PLEKHD1: variants seen among roughly 807,000 people sequenced by gnomAD.
The protein encoded by PLEKHD1 is pleckstrin homology and coiled-coil domain containing D1, also known as pleckstrin homology domain-containing family D member 1.
Under a neutral mutation model 69.2 loss-of-function variants are expected in PLEKHD1, and 51 were observed. The ratio of observed to expected loss-of-function variants is 0.74; its 90% CI spans 0.59 to 0.93. The LOEUF (loss-of-function observed/expected upper bound fraction) is 0.93. PLEKHD1 is among the 40% of genes least tolerant of loss of function. PLEKHD1 has a pLI of 0.00. For synonymous variants in PLEKHD1, 236 were observed against 244.7 expected, an observed-to-expected ratio of 0.96 and a Z score of 0.33; for missense variants, 584 against 641.0, an observed-to-expected ratio of 0.91 and a Z score of 0.96.
chr14:69,484,799 C>A lies in PLEKHD1; in HGVS notation c.-167C>A. Reference sequence around the variant, plus strand: ...TACGCGCCCTGCGCCCCCTTGGTGCCGCGTCCAGTGCCCAGCGCGCTTTGA... The same window carrying A: ...TACGCGCCCTGCGCCCCCTTGGTGCAGCGTCCAGTGCCCAGCGCGCTTTGA... On this transcript the variant is annotated 5_prime_UTR_variant, in exon 1 of 13. Coordinates refer to ENST00000322564, the MANE Select transcript of PLEKHD1 (RefSeq NM_001161498.2). The A allele has an allele frequency of 1.3e-6, 1 of 741,592 alleles. No homozygotes were observed. The highest frequency in any genetic ancestry group is 2.1e-5 in the South Asian group (1 of 46,668). 45.9% of individuals were successfully genotyped at this position (741,592 alleles called of 1,614,324 possible). A position where few individuals can be genotyped will look rare whatever the true frequency, so the allele number is the denominator to read the frequency against.
rs1420821253 is a variant in PLEKHD1, at chr14:69,527,879, G to A, written c.1298G>A (p.Arg433His). ...TACATCCATAAGGCAGCCACTCGCC[G>A]CATCAAGAGCTGCCGCTTCCACCGA... ...SVYIHKAATR[R>H]IKSCRFHRRR... The change falls in exon 12 of 13, where the codon CGC becomes CAC. Residue 433 changes from arginine (R) to histidine (H), a missense_variant. Arg to His is a conservative substitution (Grantham distance 29). Coordinates refer to ENST00000322564, the MANE Select transcript of PLEKHD1 (RefSeq NM_001161498.2). 17 of 1,551,346 alleles carry A rather than the reference G, an allele frequency of 1.1e-5. No individual in the cohort carries two copies. The highest frequency in any genetic ancestry group is 1.4e-5 in the African/African-American group (1 of 73,056).
At chr14:69,500,551 G>A in intron 2 of PLEKHD1, 26 bp from the exon 3 acceptor site, 1 of 1,532,656 alleles carries the variant, frequency 6.5e-7, no homozygotes, top group Non-Finnish European at 8.8e-7. Context: ...GTGGGGTGGG[G>A]GCTGCCTGTT....
intron 7 of PLEKHD1, among the ~76,000 whole-genome samples, chr14:69,522,972 C>T (rs1883554525): frequency 6.6e-6 from 1 of 152,086 alleles, no homozygotes; most frequent in Non-Finnish European, 1.5e-5. Flanking sequence ...CTCACTCTGT[C>T]ACCCAGGCTG....
At chr14:69,522,489 C>A in intron 7 of PLEKHD1, 112 bp downstream of exon 7, 1 of 1,174,074 alleles carries the variant, frequency 8.5e-7, no homozygotes, top group Non-Finnish European at 1.2e-6. Flanking sequence ...CTTCCCAAGG[C>A]TCCAGGCTTG....
chr14:69,498,849 T>C (rs1373240642), intron 1 of PLEKHD1, among the ~76,000 whole-genome samples: 1 of 152,008 alleles, frequency 6.6e-6, no homozygotes, highest in Admixed American at 6.6e-5. Context: ...GGTTTCACCA[T>C]ATTGGCCAGG....
rs1174680151 is a variant in PLEKHD1, at chr14:69,528,565, C to T, written c.*146C>T. 1 of 1,122,824 alleles carries T rather than the reference C, an allele frequency of 8.9e-7. No homozygotes were observed. Among genetic ancestry groups the T allele is most frequent in the African/African-American group, 1.6e-5 (1 of 63,638 alleles). 69.6% of individuals were successfully genotyped at this position (1,122,824 alleles called of 1,614,324 possible). On this transcript the variant is annotated 3_prime_UTR_variant, in exon 13 of 13. Transcript: ENST00000322564. ...CTGGGCCGGAGCTCCACTTGGGGGCCAGCCTTGCCCTCAAAGGACATGGAC... is the reference window on the plus strand; with the variant it reads ...CTGGGCCGGAGCTCCACTTGGGGGCTAGCCTTGCCCTCAAAGGACATGGAC...
rs1378302066 is a variant in PLEKHD1 at position 69,501,392 on chromosome 14, C to T, written c.411-342C>T. Reference sequence around the variant, plus strand: ...GTCATGCTTTTAGTTCCAAAAACACCGACCGTGTGCTCTGTGGCAGGCCTT... The same window carrying T: ...GTCATGCTTTTAGTTCCAAAAACACTGACCGTGTGCTCTGTGGCAGGCCTT... On this transcript the variant is annotated intron_variant, in intron 4 of 12. Coordinates refer to ENST00000322564, the MANE Select transcript of PLEKHD1 (RefSeq NM_001161498.2). The T allele has an allele frequency of 4.2e-5, 13 of 309,330 alleles. No individual in the cohort carries two copies. In the South Asian group the frequency reaches 5.2e-4, roughly 12 times the overall value. The allele number at this position is 309,330 out of a possible 1,614,324, so 19.2% of individuals were successfully genotyped here.
At chr14:69,527,747 G>C in intron 11 of PLEKHD1, 36 bp from the exon 12 acceptor site, 2 of 1,550,246 alleles carry the variant, frequency 1.3e-6, no homozygotes, top group Non-Finnish European at 1.7e-6. Flanking sequence ...TAAGGATGCA[G>C]TCGGAACCCC....
chr14:69,502,464 A>G (rs8011342), intron 5 of PLEKHD1: 15,329 of 295,488 alleles, frequency 0.052, 559 homozygotes, highest in Middle Eastern at 0.096. Context: ...TTGCTCCCCT[A>G]TGCCTGCTTC....
chr14:69,518,173 T>C (rs577900241), intron 6 of PLEKHD1, among the ~76,000 whole-genome samples: 1 of 152,190 alleles, frequency 6.6e-6, no homozygotes, highest in East Asian at 1.9e-4. Flanking sequence ...CTGGAACTAC[T>C]ACAGGCTTGT....
chr14:69,517,603 A>T (rs1204645692), intron 6 of PLEKHD1, among the ~76,000 whole-genome samples: 2 of 152,112 alleles, frequency 1.3e-5, no homozygotes, highest in Non-Finnish European at 2.9e-5. Flanking sequence ...ACTGCTTGCA[A>T]CATAGGAAGT....
intron 6 of PLEKHD1, among the ~76,000 whole-genome samples, chr14:69,504,669 A>G (rs1320418708): frequency 6.6e-6 from 1 of 152,154 alleles, no homozygotes; most frequent in Non-Finnish European, 1.5e-5. Flanking sequence ...TGCTCATTTT[A>G]TCCTTCCAGC....
chr14:69,492,938 T>G (rs908956181), intron 1 of PLEKHD1, among the ~76,000 whole-genome samples: 1 of 152,138 alleles, frequency 6.6e-6, no homozygotes, highest in African/African-American at 2.4e-5. Flanking sequence ...CCCAGCTAAT[T>G]TTTTAATTTT....
At chr14:69,474,337 G>C in the PLEKHD1 span, among the ~76,000 whole-genome samples, 1 of 152,130 alleles carries the variant, frequency 6.6e-6, no homozygotes, top group African/African-American at 2.4e-5. Context: ...CTGGCACATA[G>C]ACCTCAGATA....
Position 69,524,330 on chromosome 14 carries a change from G to A in PLEKHD1, c.744+8G>A. 1 of 1,550,314 alleles carries A rather than the reference G, an allele frequency of 6.5e-7. No homozygotes were observed. The highest frequency in any genetic ancestry group is 1.4e-5 in the African/African-American group (1 of 73,152). On this transcript the variant is annotated splice_region_variant and intron_variant, in intron 8 of 12. Transcript: ENST00000322564. ...TTGCAGCAGACACTGGAGGTGAGGG[G>A]CTGCTGGTGGGTTAGTTGACCAGGT...
In PLEKHD1 at chr14:69,524,256, T is replaced by G; in HGVS notation, c.678T>G (p.Leu226=). The change falls in exon 8 of 13, where the codon CTT becomes CTG. Residue 226 remains leucine, a synonymous_variant. Coordinates refer to ENST00000322564, the MANE Select transcript of PLEKHD1 (RefSeq NM_001161498.2). ...KRELELTARC[L]KGVEQEKKEL... is the part of the protein sequence containing the mutation. ...AGCTGGAACTGACTGCAAGATGCCT[T>G]AAGGGTGTAGAACAAGAGAAAAAGG... 1 of 1,551,556 alleles carries G rather than the reference T, an allele frequency of 6.4e-7. No individual in the cohort carries two copies. The highest frequency in any genetic ancestry group is 8.7e-7 in the Non-Finnish European group (1 of 1,146,922).
At chr14:69,479,903 C>T (rs999059087), upstream of PLEKHD1, among the ~76,000 whole-genome samples, 3 of 152,110 alleles carry the variant, frequency 2.0e-5, no homozygotes, top group Admixed American at 2.0e-4. Context: ...AGTTGAGGAC[C>T]TGATAGGTCA....
chr14:69,472,936 C>T, the PLEKHD1 span, among the ~76,000 whole-genome samples: 3 of 152,172 alleles, frequency 2.0e-5, no homozygotes, highest in Non-Finnish European at 4.4e-5. Context: ...CTCATAGGAG[C>T]ATGAACCCTA....
chr14:69,511,352 T>G (rs1883267390), intron 6 of PLEKHD1, among the ~76,000 whole-genome samples: 1 of 151,954 alleles, frequency 6.6e-6, no homozygotes, highest in African/African-American at 2.4e-5. Context: ...GAGATGGAGT[T>G]TCATCACGTT....
Sources: gnomAD v4.1 joint callset for allele counts (sites outside exome capture counted in the v4.1 genomes callset) on GRCh38, gnomAD v4.1.1 for gene constraint, MANE v1.5 for transcripts, NCBI Gene and HGNC (gene_info 2026-07-23, HGNC 2026-07-21) for gene names.